The following ATP8B1 variants were observed in gnomAD, a reference collection of about 807,000 sequenced individuals.
The protein encoded by ATP8B1 is phospholipid-transporting ATPase IC.
A neutral mutation model predicts 149.9 loss-of-function variants in ATP8B1; 80 were observed. The ratio of observed to expected loss-of-function variants is 0.53; its 90% CI spans 0.45 to 0.64. The LOEUF (loss-of-function observed/expected upper bound fraction) is 0.64. Among genes scored for constraint, ATP8B1 ranks in the 30% least tolerant of loss-of-function variants. The pLI, the probability that ATP8B1 is intolerant of heterozygous loss-of-function variation, is 0.00. For synonymous variants in ATP8B1, 536 were observed against 562.8 expected, an observed-to-expected ratio of 0.95 and a Z score of 0.67; for missense variants, 1,247 against 1,552.6, an observed-to-expected ratio of 0.80 and a Z score of 3.31.
At chr18:57,785,217 A>G (rs1568070738) in intron 1 of ATP8B1, among the ~76,000 whole-genome samples, 1 of 152,260 alleles carries the variant, frequency 6.6e-6, no homozygotes, top group Non-Finnish European at 1.5e-5. Flanking sequence ...TTTGACAACA[A>G]CATAAACCCA....
chr18:57,662,275 GT>G (rs1910505937), intron 21 of ATP8B1, among the ~76,000 whole-genome samples: 2 of 152,172 alleles, frequency 1.3e-5, no homozygotes, highest in African/African-American at 4.8e-5. Context: ...CCATTAATTA[GT>G]AAACCAAGAT....
chr18:57,659,799 CAAG>C (rs909800193), intron 22 of ATP8B1: 2 of 152,084 alleles, frequency 1.3e-5, no homozygotes, highest in Non-Finnish European at 1.5e-5. Flanking sequence ...TAGTATACAT[CAAG>C]GAGGAGGAGG....
Position 57,648,645 on chromosome 18 carries a change from C to G in ATP8B1, c.3599G>C (p.Arg1200Pro), listed in dbSNP as rs767953266. 1.9e-6 allele frequency: 3 copies of G among 1,592,882 alleles called. No homozygotes were observed. The highest frequency in any genetic ancestry group is 2.6e-6 in the Non-Finnish European group (3 of 1,171,136). Residue 1200 changes from arginine to proline, a missense_variant, in exon 28 of 28, where the codon CGG becomes CCG. Physicochemically the swap from Arg to Pro is moderately radical, Grantham distance 103. This residue lies in a region of ATP8B1 where 164 missense variants were observed against 160.3 expected (regional missense o/e 1.02). Transcript: ENST00000648908. ...QWQRRQQVFR[R>P]GVSTRRSAYA... ...GGCCGAGCGCCGCGTTGACACGCCC[C>G]GGCGGAACACCTGCTGCCGTCGCTG...
At chr18:57,801,402 C>G (rs1199485540) in intron 1 of ATP8B1, among the ~76,000 whole-genome samples, 2 of 152,206 alleles carry the variant, frequency 1.3e-5, no homozygotes, top group African/African-American at 4.8e-5. Context: ...ACTTCTCCCC[C>G]AGAAAGTAAT....
chr18:57,708,536 C>CTT (rs1913530960), intron 2 of ATP8B1: 2 of 152,202 alleles, frequency 1.3e-5, no homozygotes, highest in South Asian at 4.1e-4. Flanking sequence ...AATGCATGTG[C>CTT]TTTTAATGGT....
At chr18:57,656,535 G>A (rs781626383) in intron 22 of ATP8B1, among the ~76,000 whole-genome samples, 9 of 151,762 alleles carry the variant, frequency 5.9e-5, no homozygotes, top group Non-Finnish European at 7.4e-5. Flanking sequence ...ACAGATGTGC[G>A]CCACCACACC....
intron 1 of ATP8B1, among the ~76,000 whole-genome samples, chr18:57,786,066 G>A (rs116118800): frequency 0.018 from 2,685 of 152,218 alleles, 84 homozygotes; most frequent in African/African-American, 0.061. Context: ...GTGTGGAAAG[G>A]CATGTTTCTG....
chr18:57,653,312 T>C (rs1190334116), intron 24 of ATP8B1, among the ~76,000 whole-genome samples: 2 of 128,698 alleles, frequency 1.6e-5, no homozygotes, highest in African/African-American at 2.9e-5. Flanking sequence ...GGAGACAGGG[T>C]CTCACTTTGT....
At chr18:57,756,734 G>A (rs980842654) in intron 1 of ATP8B1, among the ~76,000 whole-genome samples, 4 of 151,814 alleles carry the variant, frequency 2.6e-5, no homozygotes, top group Non-Finnish European at 5.9e-5. Flanking sequence ...TTTAATTCAA[G>A]GTCTCTGTTC....
intron 1 of ATP8B1, among the ~76,000 whole-genome samples, chr18:57,752,220 A>AATG (rs1290276291): frequency 1.4e-5 from 2 of 139,738 alleles, no homozygotes; most frequent in Non-Finnish European, 3.1e-5. Flanking sequence ...TAATAATAAT[A>AATG]ATAATGATAA....
In ATP8B1 at chr18:57,652,309, C is replaced by A. The variant is rs114260754; in HGVS notation, c.3262-137G>T. ...AATACTGGACCAGAAACTAAACCAT[C>A]CTTGACTCAGGCAAGAAATAGAAAA... On this transcript the variant is annotated intron_variant, in intron 25 of 27. Coordinates refer to ENST00000648908, the MANE Select transcript of ATP8B1 (RefSeq NM_001374385.1). 2,754 of 1,449,694 alleles carry A rather than the reference C, an allele frequency of 1.9e-3. 46 individuals are homozygous for A. In the African/African-American group the frequency reaches 0.035, roughly 18 times the overall value. 89.8% of individuals were successfully genotyped at this position (1,449,694 alleles called of 1,614,324 possible). A position where few individuals can be genotyped will look rare whatever the true frequency, so the allele number is the denominator to read the frequency against.
chr18:57,662,663 GC>G, intron 20 of ATP8B1, 48 bp from the exon 21 acceptor site: 1 of 1,599,656 alleles, frequency 6.3e-7, no homozygotes, highest in South Asian at 1.1e-5. Flanking sequence ...CCCTAAATAG[GC>G]CCTTGACTCT....
In ATP8B1 at chr18:57,697,630, G is replaced by C; in HGVS notation, c.686C>G (p.Ala229Gly). ...GAGACACACTTACCCATCCAGTTCT[G>C]CTGTTTCCACATAGCAGAGGCTGTT... ...EPNSLCYVETAELDGETNLKF... is the reference protein window; with the variant it reads ...EPNSLCYVETGELDGETNLKF... Residue 229 changes from alanine to glycine, a missense_variant, in exon 8 of 28, where the codon GCA becomes GGA. By Grantham distance (60) the Ala-to-Gly change is moderately conservative. Transcript: ENST00000648908. 6.2e-7 allele frequency: 1 copy of C among 1,613,890 alleles called. No individual in the cohort carries two copies. The highest frequency in any genetic ancestry group is 8.5e-7 in the Non-Finnish European group (1 of 1,179,984).
At chr18:57,793,594 C>G (rs2080483748) in intron 1 of ATP8B1, among the ~76,000 whole-genome samples, 1 of 152,086 alleles carries the variant, frequency 6.6e-6, no homozygotes, top group Non-Finnish European at 1.5e-5. Context: ...CTGCCCTTAC[C>G]TCCTTCTTCT....
intron 1 of ATP8B1, among the ~76,000 whole-genome samples, chr18:57,737,291 T>C (rs2079867503): frequency 6.6e-6 from 1 of 152,012 alleles, no homozygotes; most frequent in Non-Finnish European, 1.5e-5. Flanking sequence ...TTCTTAAAGC[T>C]GTACCATTGG....
chr18:57,655,046 A>G, intron 23 of ATP8B1, 148 bp downstream of exon 23: 2 of 753,916 alleles, frequency 2.7e-6, no homozygotes, highest in African/African-American at 1.8e-5. Context: ...TAGAGAAGTC[A>G]TGATCATTCT....
rs1356269230 is a variant in ATP8B1 at position 57,732,155 on chromosome 18, A to ATATATGTATATATGTATATATGTG, written c.-25-324_-25-323insCACATATATACATATATACATATA. The ATATATGTATATATGTATATATGTG allele has an allele frequency of 4.4e-4, 19 of 43,644 alleles. 1 individual carries two copies. The highest frequency in any genetic ancestry group is 1.3e-3 in the African/African-American group (16 of 11,990). The allele number at this position is 43,644 out of a possible 1,614,324, so 2.7% of individuals were successfully genotyped here. ...TATATGTATATATGTGTATATATGT[A>ATATATGTATATATGTATATATGTG]TATATATGTATATATGTATATATGT... On this transcript the variant is annotated intron_variant, in intron 1 of 27. Transcript: ENST00000648908.
intron 22 of ATP8B1, among the ~76,000 whole-genome samples, chr18:57,659,179 G>A (rs1437106022): frequency 1.3e-5 from 2 of 152,176 alleles, no homozygotes; most frequent in African/African-American, 4.8e-5. Context: ...GGGAGGCTGA[G>A]GTGGGAGGAT....
intron 1 of ATP8B1, among the ~76,000 whole-genome samples, chr18:57,766,148 A>G (rs1393652938): frequency 1.4e-5 from 2 of 143,278 alleles, no homozygotes; most frequent in Non-Finnish European, 3.0e-5. Flanking sequence ...GATTCAAGTG[A>G]TTCTCCTGCC....
Sources: gnomAD v4.1 joint callset for allele counts (sites outside exome capture counted in the v4.1 genomes callset) on GRCh38, gnomAD v4.1.1 for gene constraint, gnomAD v4.1.1 regional missense constraint, MANE v1.5 for transcripts, NCBI Gene and HGNC (gene_info 2026-07-23, HGNC 2026-07-21) for gene names.